The following PTPN14 variants were observed in gnomAD, a reference collection of about 807,000 sequenced individuals.
The protein encoded by PTPN14 is protein tyrosine phosphatase non-receptor type 14, also known as tyrosine-protein phosphatase non-receptor type 14.
In PTPN14, 53 loss-of-function variants were observed where a neutral mutation model predicts 126.8. That is an observed-to-expected ratio of 0.42 (90% CI 0.34 to 0.53). The LOEUF is 0.53. Among genes scored for constraint, PTPN14 ranks in the 20% least tolerant of loss-of-function variants. PTPN14 has a pLI of 0.08. For missense variants in PTPN14, 1,257 were observed against 1,552.9 expected, an observed-to-expected ratio of 0.81 and a Z score of 3.20; for synonymous variants, 630 against 599.3, an observed-to-expected ratio of 1.05 and a Z score of -0.75.
intron 3 of PTPN14, among the ~76,000 whole-genome samples, chr1:214,437,095 A>AT (rs1479838884): frequency 2.6e-5 from 4 of 151,696 alleles, no homozygotes; most frequent in African/African-American, 4.8e-5. Flanking sequence ...CAGAAATAAT[A>AT]TTTTTTCAAA....
intron 3 of PTPN14, among the ~76,000 whole-genome samples, chr1:214,449,196 C>T (rs894419396): frequency 3.3e-5 from 5 of 151,058 alleles, no homozygotes; most frequent in South Asian, 2.1e-4. Flanking sequence ...TTAGTAGAGA[C>T]GGGGTTTCAC....
At chr1:214,492,547 G>A (rs1661273437) in intron 1 of PTPN14, among the ~76,000 whole-genome samples, 1 of 152,202 alleles carries the variant, frequency 6.6e-6, no homozygotes, top group African/African-American at 2.4e-5. Flanking sequence ...ATTTGATGAT[G>A]ACAGAGTGTA....
intron 16 of PTPN14, among the ~76,000 whole-genome samples, chr1:214,371,267 T>A (rs1053312199): frequency 1.3e-5 from 2 of 152,060 alleles, no homozygotes; most frequent in Non-Finnish European, 1.5e-5. Flanking sequence ...TTTTTAAAAA[T>A]TTTCTCCCTT....
intron 1 of PTPN14, among the ~76,000 whole-genome samples, chr1:214,525,215 G>T (rs1276417133): frequency 6.6e-6 from 1 of 152,176 alleles, no homozygotes; most frequent in Non-Finnish European, 1.5e-5. Flanking sequence ...AACAGAATAT[G>T]TATCTTTTTC....
Position 214,353,359 on chromosome 1 carries a change from A to G in PTPN14, c.*4563T>C, listed in dbSNP as rs1657743777. The G allele has an allele frequency of 6.6e-6, 1 of 152,194 alleles. No individual in the cohort carries two copies. Among genetic ancestry groups the G allele is most frequent in the Non-Finnish European group, 1.5e-5 (1 of 68,034 alleles). 9.4% of individuals were successfully genotyped at this position (152,194 alleles called of 1,614,324 possible). On this transcript the variant is annotated 3_prime_UTR_variant, in exon 19 of 19. Transcript: ENST00000366956. Reference sequence around the variant, plus strand: ...TTTGTGTGAATTCAATGTAGTATTCAGCATGTGGCAAATTCAACTTTTGCT... The same window carrying G: ...TTTGTGTGAATTCAATGTAGTATTCGGCATGTGGCAAATTCAACTTTTGCT...
chr1:214,540,091 C>A (rs1186652952), intron 1 of PTPN14, among the ~76,000 whole-genome samples: 1 of 152,076 alleles, frequency 6.6e-6, no homozygotes, highest in Non-Finnish European at 1.5e-5. Context: ...AAATTCCTTA[C>A]CTTTGAATAA....
chr1:214,473,078 A>G (rs910204807), intron 1 of PTPN14, among the ~76,000 whole-genome samples: 4 of 152,220 alleles, frequency 2.6e-5, no homozygotes, highest in South Asian at 2.1e-4. Flanking sequence ...CCTAAGCTCT[A>G]AAGTGTAAGT....
At chr1:214,493,125 A>C (rs368539094) in intron 1 of PTPN14, among the ~76,000 whole-genome samples, 3 of 152,170 alleles carry the variant, frequency 2.0e-5, no homozygotes, top group East Asian at 1.9e-4. Context: ...AGAAGGCCCA[A>C]ATTGGGCTGG....
Position 214,386,950 on chromosome 1 carries a change from G to T in PTPN14, c.988-28C>A, listed in dbSNP as rs2270703. 0.058 allele frequency: 89,751 copies of T among 1,544,624 alleles called. 3,917 individuals carry two copies. The highest frequency in any genetic ancestry group is 0.21 in the South Asian group (18,164 of 87,934). ...GAAACAGAGAACACAGAGGAGGTGGGGAGGCCTGGGCAGACACGGCTGGTG... is the reference window on the plus strand; with the variant it reads ...GAAACAGAGAACACAGAGGAGGTGGTGAGGCCTGGGCAGACACGGCTGGTG... On this transcript the variant is annotated intron_variant, in intron 11 of 18. Coordinates refer to ENST00000366956, the MANE Select transcript of PTPN14 (RefSeq NM_005401.5).
At chr1:214,454,812 A>G (rs1447855701) in intron 2 of PTPN14, among the ~76,000 whole-genome samples, 1 of 152,240 alleles carries the variant, frequency 6.6e-6, no homozygotes, top group Non-Finnish European at 1.5e-5. Flanking sequence ...AAATAATTAC[A>G]TAACTATGGA....
Position 214,446,734 on chromosome 1 carries a change from GC to G in PTPN14, c.344+5070del, listed in dbSNP as rs564428845. ...ATATATATATGGGTTCATATACACA[GC>G]AAAAAAAAAAGGAAAACCCAACCAG... On this transcript the variant is annotated intron_variant, in intron 3 of 18. Transcript: ENST00000366956. Among the ~76,000 whole-genome samples, 6 of 146,024 alleles carry G rather than the reference GC, an allele frequency of 4.1e-5. No homozygotes were observed. The South Asian group carries it at 1.3e-3, about 30-fold the overall frequency.
chr1:214,535,551 G>A (rs1261483763), intron 1 of PTPN14, among the ~76,000 whole-genome samples: 1 of 152,164 alleles, frequency 6.6e-6, no homozygotes. Flanking sequence ...GCTGAGGAGG[G>A]CAGATCACCT....
intron 1 of PTPN14, chr1:214,528,232 CA>C (rs1655450887): frequency 6.6e-6 from 1 of 152,042 alleles, no homozygotes. Flanking sequence ...CCTGGGAATT[CA>C]ACCCAAAGGA....
In PTPN14 at chr1:214,355,838, G is replaced by A. The variant is rs1657805853; in HGVS notation, c.*2084C>T. ...TCACTCCATCTTTTTAGCTCACGGG[G>A]GACAAAAGCAGCAATGAAGAAAGGC... On this transcript the variant is annotated 3_prime_UTR_variant, in exon 19 of 19. Transcript: ENST00000366956. 1 of 151,958 alleles carries A rather than the reference G, an allele frequency of 6.6e-6. No individual in the cohort carries two copies. Among genetic ancestry groups the A allele is most frequent in the African/African-American group, 2.4e-5 (1 of 41,348 alleles). The allele number at this position is 151,958 out of a possible 1,614,324, so 9.4% of individuals were successfully genotyped here.
At chr1:214,438,078 T>C (rs1405768808) in intron 3 of PTPN14, among the ~76,000 whole-genome samples, 1 of 152,232 alleles carries the variant, frequency 6.6e-6, no homozygotes, top group Non-Finnish European at 1.5e-5. Flanking sequence ...TAACTGTCAC[T>C]CATCAGGAGT....
chr1:214,382,038 G>T (rs371714646), intron 13 of PTPN14, among the ~76,000 whole-genome samples: 1 of 151,810 alleles, frequency 6.6e-6, no homozygotes, highest in Non-Finnish European at 1.5e-5. Context: ...GAGTAACTGG[G>T]ATTACAGGTG....
chr1:214,374,584 ATC>A (rs1165821304), intron 15 of PTPN14, among the ~76,000 whole-genome samples: 1 of 152,240 alleles, frequency 6.6e-6, no homozygotes, highest in Non-Finnish European at 1.5e-5. Flanking sequence ...GAGCAAATAA[ATC>A]TCTGTTCTGT....
intron 1 of PTPN14, among the ~76,000 whole-genome samples, chr1:214,520,065 A>AAAAAAAAAAT: frequency 5.6e-5 from 4 of 71,110 alleles, no homozygotes; most frequent in East Asian, 9.5e-4. Context: ...AAAAAAAAAA[A>AAAAAAAAAAT]ATATATATAT....
rs376785192 is a variant in PTPN14, at chr1:214,545,952, G to A, written c.-155+5231C>T. Among the ~76,000 whole-genome samples the A allele has an allele frequency of 9.9e-5, 15 of 152,216 alleles. No homozygotes were observed. The East Asian group carries it at 2.5e-3, about 26-fold the overall frequency. On this transcript the variant is annotated intron_variant, in intron 1 of 18. Transcript: ENST00000366956. ...TGGAGACGATAGCCAAGGAGATCCA[G>A]CAACATGGAAACATCTAATTAGTGC...
Sources: allele counts gnomAD v4.1 joint callset (sites outside exome capture counted in the v4.1 genomes callset), GRCh38; gene constraint gnomAD v4.1.1; transcripts MANE v1.5; gene names NCBI Gene and HGNC (gene_info 2026-07-23, HGNC 2026-07-21).